The following ALG9 variants were observed in gnomAD, a reference collection of about 807,000 sequenced individuals.
The protein encoded by ALG9 is alpha-1,2-mannosyltransferase ALG9.
In ALG9, 55 loss-of-function variants were observed where a neutral mutation model predicts 81.8. The ratio of observed to expected loss-of-function variants is 0.67; its 90% CI spans 0.54 to 0.84. ALG9 has a LOEUF of 0.84. Among genes scored for constraint, ALG9 ranks in the 40% least tolerant of loss-of-function variants. ALG9 has a pLI of 0.00. For missense variants in ALG9, 629 were observed against 745.0 expected (o/e 0.84, Z 1.81); for synonymous variants, 278 against 274.3 (o/e 1.01, Z -0.13).
chr11:111,853,782 G>T (rs781991264), intron 6 of ALG9, 46 bp from the exon 7 acceptor site: 14 of 1,505,274 alleles, frequency 9.3e-6, no homozygotes, highest in Non-Finnish European at 1.2e-5. Context: ...AATACTGACA[G>T]AGACAAATCA....
At chr11:111,781,923 G>A (rs1283770281), downstream of ALG9, among the ~76,000 whole-genome samples, 6 of 152,224 alleles carry the variant, frequency 3.9e-5, no homozygotes, top group Non-Finnish European at 7.3e-5. Context: ...TGTGATAACA[G>A]GCGTGAGCCA....
intron 14 of ALG9, among the ~76,000 whole-genome samples, chr11:111,793,209 C>T (rs535249230): frequency 3.3e-5 from 5 of 151,980 alleles, no homozygotes; most frequent in South Asian, 4.2e-4. Context: ...CTCAAACTCC[C>T]GGGCTCAAGC....
intron 14 of ALG9, among the ~76,000 whole-genome samples, chr11:111,800,170 C>T (rs1948889020): frequency 6.6e-6 from 1 of 152,146 alleles, no homozygotes; most frequent in African/African-American, 2.4e-5. Flanking sequence ...TAATCACTTC[C>T]TTTATGTGCC....
chr11:111,824,889 T>C (rs1436394427), intron 13 of ALG9, among the ~76,000 whole-genome samples: 1 of 152,192 alleles, frequency 6.6e-6, no homozygotes, highest in African/African-American at 2.4e-5. Flanking sequence ...TTTCCATAAA[T>C]GACCCTGAAC....
rs912863556 is a variant in ALG9 at position 111,829,031 on chromosome 11, C to T, written c.1602+7134G>A. On this transcript the variant is annotated intron_variant, in intron 13 of 14. Coordinates refer to ENST00000616540, the MANE Select transcript of ALG9 (RefSeq NM_024740.2). ...ACCAACTGTCTACTGCCCCATAGGTCTAAAAGCTAAAGTAACATGACTTGA... is the reference window on the plus strand; with the variant it reads ...ACCAACTGTCTACTGCCCCATAGGTTTAAAAGCTAAAGTAACATGACTTGA... The T allele has an allele frequency of 5.3e-5, 8 of 152,180 alleles. No individual in the cohort carries two copies. The East Asian group carries it at 1.4e-3, about 26-fold the overall frequency. The allele number at this position is 152,180 out of a possible 1,614,324, so 9.4% of individuals were successfully genotyped here.
chr11:111,844,296 G>A (rs1344865320), intron 9 of ALG9, among the ~76,000 whole-genome samples: 4 of 152,092 alleles, frequency 2.6e-5, no homozygotes, highest in Non-Finnish European at 4.4e-5. Context: ...CAGCCACCGC[G>A]CCCGGCCTCC....
intron 3 of ALG9, among the ~76,000 whole-genome samples, chr11:111,866,454 G>T (rs538551094): frequency 2.0e-5 from 3 of 152,140 alleles, no homozygotes; most frequent in Admixed American, 1.3e-4. Context: ...TGTGCCAATT[G>T]TTACCACCCT....
intron 14 of ALG9, among the ~76,000 whole-genome samples, chr11:111,803,289 T>C (rs1287100607): frequency 6.6e-6 from 1 of 151,736 alleles, no homozygotes; most frequent in Non-Finnish European, 1.5e-5. Context: ...ATCACTTGAG[T>C]TCAGGAGTTC....
intron 14 of ALG9, 97 bp downstream of exon 14, chr11:111,809,546 T>C: frequency 7.0e-7 from 1 of 1,424,620 alleles, no homozygotes; most frequent in South Asian, 1.2e-5. Context: ...ACACGATGGC[T>C]ACTAGAGTCA....
At chr11:111,768,842 C>CGCGCGTGTGTGTGT in the ALG9 span, 5 of 143,096 alleles carry the variant, frequency 3.5e-5, no homozygotes, top group African/African-American at 1.1e-4. Context: ...TGTGTGTGTG[C>CGCGCGTGTGTGTGT]GTGTGTGTGT....
chr11:111,793,399 G>A (rs990218055), intron 14 of ALG9, among the ~76,000 whole-genome samples: 1 of 152,072 alleles, frequency 6.6e-6, no homozygotes, highest in Admixed American at 6.6e-5. Context: ...GCATAACTGG[G>A]GCATTTTGAA....
At chr11:111,798,990 C>A (rs918338356) in intron 14 of ALG9, among the ~76,000 whole-genome samples, 5 of 152,224 alleles carry the variant, frequency 3.3e-5, no homozygotes, top group South Asian at 2.1e-4. Flanking sequence ...ATCACTCCAA[C>A]AATAAGGATG....
intron 6 of ALG9, among the ~76,000 whole-genome samples, chr11:111,855,438 AG>A (rs1353455641): frequency 6.6e-6 from 1 of 152,162 alleles, no homozygotes; most frequent in Non-Finnish European, 1.5e-5. Context: ...ACTAGAGAGG[AG>A]GAGATCATTT....
intron 14 of ALG9, among the ~76,000 whole-genome samples, chr11:111,790,232 T>G (rs979250766): frequency 1.3e-5 from 2 of 152,048 alleles, no homozygotes; most frequent in Non-Finnish European, 2.9e-5. Flanking sequence ...CTCAGGTGGC[T>G]GAGGCAGGAG....
the ALG9 span, among the ~76,000 whole-genome samples, chr11:111,775,384 A>C: frequency 6.6e-6 from 1 of 152,228 alleles, no homozygotes; most frequent in Non-Finnish European, 1.5e-5. Flanking sequence ...GCAGAAATCC[A>C]GCTGGGACTG....
At chr11:111,835,244 C>T (rs1555116391) in intron 13 of ALG9, among the ~76,000 whole-genome samples, 1 of 152,210 alleles carries the variant, frequency 6.6e-6, no homozygotes, top group African/African-American at 2.4e-5. Flanking sequence ...TCTAATAATT[C>T]TAGACAACGA....
chr11:111,818,875 G>A (rs1365544992), intron 13 of ALG9, among the ~76,000 whole-genome samples: 1 of 152,116 alleles, frequency 6.6e-6, no homozygotes, highest in Non-Finnish European at 1.5e-5. Flanking sequence ...AAAGGTAAAA[G>A]AGCAGAAGAG....
intron 5 of ALG9, among the ~76,000 whole-genome samples, chr11:111,859,509 A>AAAAAG (rs561930644): frequency 3.3e-5 from 5 of 152,178 alleles, no homozygotes; most frequent in African/African-American, 7.2e-5. Context: ...TGTCTCAAAA[A>AAAAAG]AAAAGAAAAG....
chr11:111,827,733 T>A (rs1555109871), intron 13 of ALG9, among the ~76,000 whole-genome samples: 4 of 151,258 alleles, frequency 2.6e-5, no homozygotes, highest in Non-Finnish European at 5.9e-5. Flanking sequence ...CCAGGCATGG[T>A]GGCACACACC....
Sources: allele counts gnomAD v4.1 joint callset (sites outside exome capture counted in the v4.1 genomes callset), GRCh38; gene constraint gnomAD v4.1.1; transcripts MANE v1.5; gene names NCBI Gene and HGNC (gene_info 2026-07-23, HGNC 2026-07-21).